The following GRIK3 variants were observed in gnomAD, a reference collection of about 807,000 sequenced individuals.
GRIK3 encodes glutamate receptor ionotropic, kainate 3.
A neutral mutation model predicts 102.5 loss-of-function variants in GRIK3; 29 were observed. The observed-to-expected ratio is 0.28, with a 90% CI of 0.21 to 0.39. The LOEUF is 0.39. Ranked by LOEUF, GRIK3 falls within the 10% of genes least tolerant of loss-of-function variation. GRIK3 has a pLI of 1.00. For missense variants in GRIK3, 908 were observed against 1,252.4 expected, an observed-to-expected ratio of 0.73 and a Z score of 4.15; for synonymous variants, 511 against 504.9, an observed-to-expected ratio of 1.01 and a Z score of -0.16.
At chr1:36,944,491 GAA>G (rs1391528853) in intron 1 of GRIK3, among the ~76,000 whole-genome samples, 1 of 152,136 alleles carries the variant, frequency 6.6e-6, no homozygotes, top group Non-Finnish European at 1.5e-5. Flanking sequence ...GAGGGAAGAA[GAA>G]AAGAGGAGGG....
chr1:36,884,136 G>A (rs145861185), intron 2 of GRIK3, among the ~76,000 whole-genome samples: 7 of 152,250 alleles, frequency 4.6e-5, no homozygotes, highest in South Asian at 2.1e-4. Flanking sequence ...CACATACAAC[G>A]GGGGCATGGC....
intron 1 of GRIK3, among the ~76,000 whole-genome samples, chr1:36,923,753 A>G (rs973658641): frequency 8.5e-5 from 13 of 152,182 alleles, no homozygotes; most frequent in African/African-American, 2.9e-4. Flanking sequence ...CCCATAACCT[A>G]GTGAGAAGCT....
chr1:36,989,948 T>C (rs1642347106), intron 1 of GRIK3, among the ~76,000 whole-genome samples: 1 of 152,064 alleles, frequency 6.6e-6, no homozygotes, highest in African/African-American at 2.4e-5. Flanking sequence ...ATGAAGCAAA[T>C]ACTATTATTC....
chr1:37,006,155 T>G (rs917578226), intron 1 of GRIK3, among the ~76,000 whole-genome samples: 4 of 152,144 alleles, frequency 2.6e-5, no homozygotes, highest in African/African-American at 9.7e-5. Flanking sequence ...TCTGCATCCT[T>G]GGGGACTGTG....
intron 11 of GRIK3, among the ~76,000 whole-genome samples, chr1:36,823,301 G>A (rs903084582): frequency 6.6e-6 from 1 of 151,626 alleles, no homozygotes; most frequent in Admixed American, 6.6e-5. Context: ...GTGAAACCCC[G>A]TCTCTACTAA....
chr1:36,936,930 G>A (rs1441801925), intron 1 of GRIK3, among the ~76,000 whole-genome samples: 4 of 152,120 alleles, frequency 2.6e-5, no homozygotes, highest in Non-Finnish European at 4.4e-5. Context: ...TGAAGAATTG[G>A]GAGCTGGATA....
intron 1 of GRIK3, among the ~76,000 whole-genome samples, chr1:37,025,997 T>C (rs1242147956): frequency 6.6e-6 from 1 of 152,170 alleles, no homozygotes; most frequent in Non-Finnish European, 1.5e-5. Flanking sequence ...CATTACCTGC[T>C]GTCTTCTAGG....
rs1368383303 is a variant in GRIK3 at position 36,806,704 on chromosome 1, C to T, written c.2092-378G>A. 6.6e-6 allele frequency among the ~76,000 whole-genome samples: 1 copy of T among 152,228 alleles called. No homozygotes were observed. Among genetic ancestry groups the T allele is most frequent in the Non-Finnish European group, 1.5e-5 (1 of 68,038 alleles). On this transcript the variant is annotated intron_variant, in intron 13 of 15. Transcript: ENST00000373091. This position sits in a 1 kb window ranked among gnomAD's most constrained non-coding sequence, Gnocchi z 4.0. Reference sequence around the variant, plus strand: ...ACTCGTTGATTCTTCACAGCGCTCACAGGAGGCAGGCACCATCACAAGCCC... The same window carrying T: ...ACTCGTTGATTCTTCACAGCGCTCATAGGAGGCAGGCACCATCACAAGCCC...
intron 2 of GRIK3, among the ~76,000 whole-genome samples, chr1:36,884,534 G>C (rs2124267006): frequency 6.6e-6 from 1 of 152,172 alleles, no homozygotes; most frequent in Admixed American, 6.5e-5. Flanking sequence ...ATGGGAGCTG[G>C]GTACCAACAT....
intron 1 of GRIK3, among the ~76,000 whole-genome samples, chr1:36,979,879 G>A (rs558969760): frequency 1.2e-4 from 19 of 152,298 alleles, no homozygotes; most frequent in Non-Finnish European, 1.9e-4. Flanking sequence ...GGGTAAGGAG[G>A]GGTTTGCAAG....
intron 1 of GRIK3, among the ~76,000 whole-genome samples, chr1:36,995,050 G>T (rs143033267): frequency 0.01 from 1,558 of 152,242 alleles, 12 homozygotes; most frequent in Admixed American, 0.019. Context: ...AGAGCAAGCT[G>T]CGGAAGCCTG....
intron 1 of GRIK3, among the ~76,000 whole-genome samples, chr1:36,964,273 G>A (rs898277076): frequency 6.6e-6 from 1 of 152,204 alleles, no homozygotes; most frequent in Admixed American, 6.5e-5. Flanking sequence ...TGAGGGTTCA[G>A]GATTTCTCAG....
chr1:36,906,295 A>G (rs938208761), intron 1 of GRIK3, among the ~76,000 whole-genome samples: 7 of 152,072 alleles, frequency 4.6e-5, no homozygotes, highest in Non-Finnish European at 2.9e-5. Context: ...AGCTCTATCC[A>G]CTGGAGGAAG....
At chr1:36,884,253 G>C (rs1641014961) in intron 2 of GRIK3, among the ~76,000 whole-genome samples, 1 of 152,190 alleles carries the variant, frequency 6.6e-6, no homozygotes, top group Non-Finnish European at 1.5e-5. Context: ...GGTAGCCCTT[G>C]GTGTGAGCAG....
At chr1:36,960,262 TCTGTGACCCGTGAGC>T (rs1641990896) in intron 1 of GRIK3, among the ~76,000 whole-genome samples, 1 of 149,428 alleles carries the variant, frequency 6.7e-6, no homozygotes, top group Non-Finnish European at 1.5e-5. Flanking sequence ...GCCCTGTGAC[TCTGTGACCCGTGAGC>T]CTGTGACCCA....
chr1:36,906,165 C>T (rs1196486141), intron 1 of GRIK3, among the ~76,000 whole-genome samples: 5 of 152,222 alleles, frequency 3.3e-5, no homozygotes, highest in East Asian at 1.9e-4. Flanking sequence ...GAATGCTGAA[C>T]CCCGCAGGGC....
At chr1:36,921,489 G>A (rs1431612513) in intron 1 of GRIK3, among the ~76,000 whole-genome samples, 1 of 152,174 alleles carries the variant, frequency 6.6e-6, no homozygotes, top group African/African-American at 2.4e-5. Flanking sequence ...CGATTCACAG[G>A]GTTCCATGAG....
rs760250223 is a variant in GRIK3, at chr1:36,841,901, C to T, written c.1365G>A (p.Thr455=). The change falls in exon 10 of 16, where the codon ACG becomes ACA. Residue 455 remains threonine (T), a synonymous_variant. Transcript: ENST00000373091. The part of the protein sequence containing the change: ...PFVMFRKSDR[T]LYGNDRFEGY... ...CCTCGAACCGGTCATTCCCGTATAGCGTCCTGTCTGATTTCCGAAACATGA... is the reference window on the plus strand; with the variant it reads ...CCTCGAACCGGTCATTCCCGTATAGTGTCCTGTCTGATTTCCGAAACATGA... 1.1e-5 allele frequency: 18 copies of T among 1,614,090 alleles called. No individual in the cohort carries two copies. Among genetic ancestry groups the T allele is most frequent in the East Asian group, 4.5e-5 (2 of 44,898 alleles).
Position 36,834,719 on chromosome 1 carries a change from T to C in GRIK3, c.1530+7017A>G, listed in dbSNP as rs116331766. Among the ~76,000 whole-genome samples the C allele has an allele frequency of 9.2e-3, 1,408 of 152,258 alleles. 19 individuals carry two copies. Among genetic ancestry groups the C allele is most frequent in the African/African-American group, 0.032 (1,339 of 41,536 alleles). ...ACTCCAAAGGATGCATCACAATCTC[T>C]ATCGCCATCTCCAAAAGAATCCTGT... On this transcript the variant is annotated intron_variant, in intron 10 of 15. Coordinates refer to ENST00000373091, the MANE Select transcript of GRIK3 (RefSeq NM_000831.4).
Sources: allele counts gnomAD v4.1 joint callset (sites outside exome capture counted in the v4.1 genomes callset), GRCh38; gene constraint gnomAD v4.1.1; non-coding constraint Gnocchi (gnomAD v3.1); transcripts MANE v1.5; gene names NCBI Gene and HGNC (gene_info 2026-07-23, HGNC 2026-07-21).